L3MBTL3: variants seen among roughly 807,000 people sequenced by gnomAD.
The protein encoded by L3MBTL3 is lethal(3)malignant brain tumor-like protein 3.
In L3MBTL3, 27 loss-of-function variants were observed where a neutral mutation model predicts 102.3. The ratio of observed to expected loss-of-function variants is 0.26; its 90% confidence interval spans 0.19 to 0.36. The LOEUF is 0.36. Ranked by LOEUF, L3MBTL3 falls within the 10% of genes least tolerant of loss-of-function variation. L3MBTL3 has a pLI of 1.00. For missense variants in L3MBTL3, 798 were observed against 955.3 expected (o/e 0.84, Z 2.17); for synonymous variants, 340 against 320.9 (o/e 1.06, Z -0.64).
chr6:130,089,416 A>G (rs1326787750), intron 16 of L3MBTL3, among the ~76,000 whole-genome samples: 1 of 152,058 alleles, frequency 6.6e-6, no homozygotes, highest in Admixed American at 6.5e-5. Context: ...TTATGGCTGC[A>G]TAGTATTCCA....
chr6:130,121,936 CTCGGGAGGCTG>C (rs1786243957), intron 20 of L3MBTL3, among the ~76,000 whole-genome samples: 1 of 152,122 alleles, frequency 6.6e-6, no homozygotes, highest in South Asian at 2.1e-4. Flanking sequence ...GTCCCAGCTA[CTCGGGAGGCTG>C]AGGCAGGAGA....
chr6:130,068,905 C>T (rs1306499509), intron 12 of L3MBTL3, among the ~76,000 whole-genome samples: 1 of 152,144 alleles, frequency 6.6e-6, no homozygotes, highest in Non-Finnish European at 1.5e-5. Context: ...GACCGGTATT[C>T]CTGCTTTCCA....
chr6:130,100,864 A>G (rs1784642949), intron 18 of L3MBTL3, among the ~76,000 whole-genome samples: 1 of 152,190 alleles, frequency 6.6e-6, no homozygotes, highest in Admixed American at 6.5e-5. Flanking sequence ...CCATCTAAGA[A>G]TCCTGCGAGT....
intron 3 of L3MBTL3, among the ~76,000 whole-genome samples, chr6:130,046,241 AC>A (rs1301441389): frequency 2.6e-5 from 4 of 152,118 alleles, no homozygotes; most frequent in Admixed American, 2.0e-4. Flanking sequence ...CAAGAGCAAG[AC>A]CCTGCCTGCA....
chr6:130,020,414 G>A (rs56213946), intron 1 of L3MBTL3: 1 of 152,108 alleles, frequency 6.6e-6, no homozygotes, highest in African/African-American at 2.4e-5. Context: ...GCAACTTTTG[G>A]ACTGGTGGTA....
chr6:130,038,194 C>G (rs542309065), intron 2 of L3MBTL3, among the ~76,000 whole-genome samples: 103 of 152,184 alleles, frequency 6.8e-4, no homozygotes, highest in South Asian at 1.7e-3. Flanking sequence ...TAGGTTGATT[C>G]CATATCTTGG....
At chr6:130,018,928 A>C (rs1003798892) in intron 1 of L3MBTL3, among the ~76,000 whole-genome samples, 2 of 151,926 alleles carry the variant, frequency 1.3e-5, no homozygotes, top group African/African-American at 4.8e-5. Flanking sequence ...CTGGAGGGGG[A>C]GTCTCTGGGC....
intron 3 of L3MBTL3, among the ~76,000 whole-genome samples, chr6:130,044,146 A>T (rs1474099325): frequency 6.6e-6 from 1 of 152,220 alleles, no homozygotes; most frequent in African/African-American, 2.4e-5. Flanking sequence ...GGTCATGTCA[A>T]CTACATAATA....
At chr6:130,105,402 A>G (rs1282844675) in intron 19 of L3MBTL3, among the ~76,000 whole-genome samples, 1 of 152,174 alleles carries the variant, frequency 6.6e-6, no homozygotes, top group Non-Finnish European at 1.5e-5. Context: ...GGAGTAGGGG[A>G]CACCTACAAC....
chr6:130,044,190 C>T (rs1780595831), intron 3 of L3MBTL3, among the ~76,000 whole-genome samples: 1 of 152,034 alleles, frequency 6.6e-6, no homozygotes, highest in East Asian at 1.9e-4. Context: ...TTTCAATTGC[C>T]TAAGTTTTGG....
At chr6:130,030,244 TA>T (rs1562249435) in intron 2 of L3MBTL3, among the ~76,000 whole-genome samples, 1 of 152,014 alleles carries the variant, frequency 6.6e-6, no homozygotes, top group Non-Finnish European at 1.5e-5. Flanking sequence ...TAATTTTTTT[TA>T]AAAAAAGTTT....
At chr6:130,108,225 T>C (rs1429188994) in intron 19 of L3MBTL3, among the ~76,000 whole-genome samples, 1 of 116,846 alleles carries the variant, frequency 8.6e-6, no homozygotes, top group Non-Finnish European at 1.7e-5. Flanking sequence ...AGGTGGTTTT[T>C]TTTTTGTTTT....
chr6:130,084,650 T>C (rs1279679262), intron 15 of L3MBTL3, among the ~76,000 whole-genome samples: 1 of 152,204 alleles, frequency 6.6e-6, no homozygotes, highest in Admixed American at 6.5e-5. Context: ...CTTTAAATTC[T>C]TGTCTGATGC....
intron 5 of L3MBTL3, 46 bp from the exon 6 acceptor site, chr6:130,051,203 T>G (rs983186954): frequency 1.3e-6 from 2 of 1,500,214 alleles, no homozygotes; most frequent in African/African-American, 2.8e-5. Context: ...TTTTAGAATG[T>G]CTTCTGTCAT....
intron 18 of L3MBTL3, among the ~76,000 whole-genome samples, chr6:130,096,363 C>T (rs1018365773): frequency 1.3e-5 from 2 of 152,160 alleles, no homozygotes; most frequent in African/African-American, 2.4e-5. Flanking sequence ...GGCACACATC[C>T]CTTTCTGCTG....
intron 10 of L3MBTL3, among the ~76,000 whole-genome samples, chr6:130,065,491 T>C (rs1186690899): frequency 6.6e-6 from 1 of 152,224 alleles, no homozygotes; most frequent in Non-Finnish European, 1.5e-5. Flanking sequence ...TAGAGAACTT[T>C]CCATGACAGT....
intron 14 of L3MBTL3, among the ~76,000 whole-genome samples, chr6:130,079,992 C>T (rs1012020526): frequency 3.9e-5 from 6 of 152,156 alleles, no homozygotes; most frequent in African/African-American, 7.2e-5. Context: ...CTATGGCTCA[C>T]GCCTATAATC....
intron 12 of L3MBTL3, 82 bp from the exon 13 acceptor site, chr6:130,070,894 G>A (rs1782596547): frequency 8.0e-6 from 7 of 875,530 alleles, no homozygotes; most frequent in Non-Finnish European, 9.5e-6. Context: ...CTGGGCCTTT[G>A]AGCAGGAGGT....
intron 19 of L3MBTL3, among the ~76,000 whole-genome samples, chr6:130,114,266 T>C (rs958959342): frequency 3.3e-5 from 5 of 152,194 alleles, no homozygotes; most frequent in African/African-American, 4.8e-5. Context: ...AGTGCAGGGA[T>C]AAGATGACTG....
Sources: allele counts gnomAD v4.1 joint callset (sites outside exome capture counted in the v4.1 genomes callset), GRCh38; gene constraint gnomAD v4.1.1; transcripts MANE v1.5; gene names NCBI Gene and HGNC (gene_info 2026-07-23, HGNC 2026-07-21).